Variants in CFAP100 observed in about 807,000 individuals in gnomAD.
CFAP100 encodes the protein cilia- and flagella-associated protein 100.
A neutral mutation model predicts 81.5 loss-of-function variants in CFAP100; 70 were observed. The ratio of observed to expected loss-of-function variants is 0.86; its 90% CI spans 0.71 to 1.05. The LOEUF (loss-of-function observed/expected upper bound fraction) is 1.05. Among genes scored for constraint, CFAP100 ranks in the 50% least tolerant of loss-of-function variants. The pLI is 0.00. For missense variants in CFAP100, 811 were observed against 776.5 expected (o/e 1.04, Z -0.53); for synonymous variants, 341 against 314.8 (o/e 1.08, Z -0.88).
intron 3 of CFAP100, among the ~76,000 whole-genome samples, chr3:126,410,758 C>G (rs532118221): frequency 6.6e-6 from 1 of 152,204 alleles, no homozygotes; most frequent in South Asian, 2.1e-4. Context: ...TTGCCTTGCT[C>G]CTGGTCTGAT....
chr3:126,434,441 C>T (rs1384001265), intron 15 of CFAP100, 60 bp downstream of exon 15: 3 of 1,521,248 alleles, frequency 2.0e-6, no homozygotes, highest in Non-Finnish European at 2.7e-6. Flanking sequence ...GGGCAGAGGG[C>T]ACATACAGGC....
chr3:126,421,353 T>G (rs907606909), intron 11 of CFAP100, among the ~76,000 whole-genome samples: 2 of 152,252 alleles, frequency 1.3e-5, no homozygotes, highest in Non-Finnish European at 2.9e-5. Flanking sequence ...ATTCTTAATT[T>G]TAGTGAAGCC....
In CFAP100 at chr3:126,420,720, G is replaced by A. The variant is rs572936287; in HGVS notation, c.1082+491G>A. 15 of 162,114 alleles carry A rather than the reference G, an allele frequency of 9.3e-5. No homozygotes were observed. The South Asian group carries it at 2.3e-3, about 25-fold the overall frequency. 10.0% of individuals were successfully genotyped at this position (162,114 alleles called of 1,614,324 possible). A position where few individuals can be genotyped will look rare whatever the true frequency, so the allele number is the denominator to read the frequency against. On this transcript the variant is annotated intron_variant, in intron 11 of 16. Coordinates refer to ENST00000352312, the MANE Select transcript of CFAP100 (RefSeq NM_182628.3). The stretch of plus-strand genomic sequence containing the variant: ...TGAGAGAGGTGGTCCCTCCAGGCTC[G>A]GCAAGGCCACAGGTGTCAAAAGCAT...
rs1352653062 is a variant in CFAP100 at position 126,420,312 on chromosome 3, G to A, written c.1082+83G>A. On this transcript the variant is annotated intron_variant, in intron 11 of 16. Transcript: ENST00000352312. ...GGCACCCATGTGTAGTCAGGTCTGA[G>A]TGCCACAGAAAAGAAAGTGTGTTAC... 1.2e-5 allele frequency: 19 copies of A among 1,546,360 alleles called. No individual in the cohort carries two copies. In the South Asian group the frequency reaches 2.0e-4, roughly 17 times the overall value.
At chr3:126,415,351 T>G (rs1457826410) in intron 4 of CFAP100, among the ~76,000 whole-genome samples, 2 of 34,376 alleles carry the variant, frequency 5.8e-5, no homozygotes, top group African/African-American at 2.3e-4. Context: ...GGTCTCCCAC[T>G]CACAACCTCC....
intron 13 of CFAP100, among the ~76,000 whole-genome samples, chr3:126,425,934 A>C (rs11712781): frequency 0.23 from 34,605 of 152,118 alleles, 4,151 homozygotes; most frequent in East Asian, 0.36. Context: ...CAAAAATCCT[A>C]CAGCTAACAT....
Position 126,423,389 on chromosome 3 carries a change from G to T in CFAP100, c.1134+13G>T. ...CAGCGATGGGGAGGTGAATGGCCCA[G>T]TGCTGGGCTGGAATTCGGAAGTCGC... On this transcript the variant is annotated intron_variant, in intron 12 of 16. Coordinates refer to ENST00000352312, the MANE Select transcript of CFAP100 (RefSeq NM_182628.3). The T allele has an allele frequency of 6.2e-7, 1 of 1,612,894 alleles. No homozygotes were observed.
At position 126,420,255 on chromosome 3, in the gene CFAP100, G is replaced by T. The variant is rs749333683; in HGVS notation, c.1082+26G>T. On this transcript the variant is annotated intron_variant, in intron 11 of 16. Coordinates refer to ENST00000352312, the MANE Select transcript of CFAP100 (RefSeq NM_182628.3). ...GTGAGTGGGCTCGGGTGGTTGGGAG[G>T]GGCTGAGGCCTAGCGGCGAGCCCTC... 3.7e-6 allele frequency: 6 copies of T among 1,610,164 alleles called. No individual in the cohort carries two copies. The Admixed American group carries it at 6.7e-5, about 18-fold the overall frequency.
chr3:126,433,121 A>C lies in CFAP100; in HGVS notation c.1339A>C (p.Ile447Leu), dbSNP rs1309976230. Residue 447 changes from isoleucine (I) to leucine (L), a missense_variant, in exon 14 of 17, where the codon ATC becomes CTC. Transcript: ENST00000352312. ...GTGGGTCACCACAATGATGATGTCC[A>C]TCACCAAGGAGGAGGACACAGCAGC... is the stretch of plus-strand genomic sequence containing the variant. The part of the protein sequence containing the change: ...KQWVTTMMMS[I>L]TKEEDTAAEL... 1 of 1,614,160 alleles carries C rather than the reference A, an allele frequency of 6.2e-7. No homozygotes were observed. Among genetic ancestry groups the C allele is most frequent in the South Asian group, 1.1e-5 (1 of 91,084 alleles).
At chr3:126,419,525 C>A (rs140728817) in intron 8 of CFAP100, 112 bp from the exon 9 acceptor site, 138 of 952,620 alleles carry the variant, frequency 1.4e-4, no homozygotes, top group Non-Finnish European at 2.1e-4. Context: ...TCAAGGAAAA[C>A]AAGGAGCCCA....
At chr3:126,436,170 G>A in intron 16 of CFAP100, 121 bp from the exon 17 acceptor site, 1 of 680,870 alleles carries the variant, frequency 1.5e-6, no homozygotes, top group South Asian at 1.8e-5. Context: ...AGCCTGCAGG[G>A]CTGACCAGAG....
rs2083306209 is a variant in CFAP100 at position 126,420,158 on chromosome 3, G to C, written c.1011G>C (p.Arg337=). 1.2e-6 allele frequency: 2 copies of C among 1,612,852 alleles called. No individual in the cohort carries two copies. Among genetic ancestry groups the C allele is most frequent in the Non-Finnish European group, 1.7e-6 (2 of 1,179,984 alleles). ...WRFLQTMRLG[R]SPSYLSSPQQ... ...TTCTGCAGACGATGCGGCTGGGGCG[G>C]AGCCCGTCTTACCTGAGCAGCCCCC... Residue 337 remains arginine, a synonymous_variant, in exon 11 of 17, where the codon CGG becomes CGC. Coordinates refer to ENST00000352312, the MANE Select transcript of CFAP100 (RefSeq NM_182628.3).
chr3:126,396,680 G>A (rs533022950), intron 2 of CFAP100: 1 of 152,494 alleles, frequency 6.6e-6, no homozygotes, highest in East Asian at 1.9e-4. Flanking sequence ...CACCGTGAAG[G>A]TGAGCTTCTC....
rs1576606395 is a variant in CFAP100, at chr3:126,394,926, A to T, written c.-112A>T. On this transcript the variant is annotated 5_prime_UTR_variant, in exon 1 of 17. Coordinates refer to ENST00000352312, the MANE Select transcript of CFAP100 (RefSeq NM_182628.3). Reference sequence around the variant, plus strand: ...GTAAACCCAAGAGCCCTGCTCCTGGAGCTGAGAACTGCAGCGCGGAGGCTT... The same window carrying T: ...GTAAACCCAAGAGCCCTGCTCCTGGTGCTGAGAACTGCAGCGCGGAGGCTT... 2 of 152,366 alleles carry T rather than the reference A, an allele frequency of 1.3e-5. No individual in the cohort carries two copies. The highest frequency in any genetic ancestry group is 2.9e-5 in the Non-Finnish European group (2 of 68,066). The allele number at this position is 152,366 out of a possible 1,614,324, so 9.4% of individuals were successfully genotyped here.
At chr3:126,414,822 G>A (rs999617307) in intron 4 of CFAP100, among the ~76,000 whole-genome samples, 2 of 152,180 alleles carry the variant, frequency 1.3e-5, no homozygotes, top group African/African-American at 4.8e-5. Flanking sequence ...TGCCAGGCAT[G>A]GCAGCCTTCC....
intron 12 of CFAP100, 44 bp from the exon 13 acceptor site, chr3:126,423,449 G>A: frequency 1.2e-6 from 2 of 1,611,488 alleles, no homozygotes; most frequent in Non-Finnish European, 1.7e-6. Context: ...CTGCCCCTCT[G>A]GCTCTGTCCC....
At chr3:126,417,801 G>A (rs1490191361) in intron 5 of CFAP100, among the ~76,000 whole-genome samples, 2 of 152,250 alleles carry the variant, frequency 1.3e-5, no homozygotes, top group African/African-American at 4.8e-5. Flanking sequence ...AGGAAAGGGT[G>A]TGAGGGACAG....
chr3:126,430,766 G>GT (rs376955604), intron 13 of CFAP100, among the ~76,000 whole-genome samples: 154 of 149,138 alleles, frequency 1.0e-3, no homozygotes, highest in African/African-American at 2.7e-3. Context: ...TAATTTCTGG[G>GT]TTTTTTTTTA....
intron 7 of CFAP100, 30 bp from the exon 8 acceptor site, chr3:126,419,046 A>AACCACCACCCCC: frequency 5.4e-6 from 1 of 184,504 alleles, no homozygotes; most frequent in Non-Finnish European, 9.6e-6. Context: ...CCTTGCCCCC[A>AACCACCACCCCC]TCCCTCCTCC....
Sources: gnomAD v4.1 joint callset for allele counts (sites outside exome capture counted in the v4.1 genomes callset) on GRCh38, gnomAD v4.1.1 for gene constraint, MANE v1.5 for transcripts, NCBI Gene and HGNC (gene_info 2026-07-23, HGNC 2026-07-21) for gene names.